Variants in MUSK observed in about 807,000 individuals in gnomAD.
The protein encoded by MUSK is muscle associated receptor tyrosine kinase.
MUSK carries 55 observed loss-of-function variants against 88.7 expected under a neutral mutation model. The ratio of observed to expected loss-of-function variants is 0.62; its 90% confidence interval spans 0.50 to 0.78. The LOEUF (loss-of-function observed/expected upper bound fraction) is 0.78. Among genes scored for constraint, MUSK ranks in the 30% least tolerant of loss-of-function variants. The pLI is 0.00. For synonymous variants in MUSK, 387 were observed against 391.9 expected (o/e 0.99, Z 0.15); for missense variants, 1,015 against 1,074.3 (o/e 0.94, Z 0.77).
At chr9:110,681,008 A>AATATATAT in intron 1 of MUSK, among the ~76,000 whole-genome samples, 1 of 37,370 alleles carries the variant, frequency 2.7e-5, no homozygotes, top group Non-Finnish European at 4.6e-5. Flanking sequence ...ATATTATATT[A>AATATATAT]TATATAATAT....
intron 1 of MUSK, among the ~76,000 whole-genome samples, chr9:110,674,775 C>T (rs1489585385): frequency 6.6e-6 from 1 of 151,936 alleles, no homozygotes; most frequent in East Asian, 1.9e-4. Context: ...ACCATGCCGG[C>T]TAATTTTTAA....
Position 110,677,181 on chromosome 9 carries a change from C to G in MUSK, c.80-5493C>G, listed in dbSNP as rs536212455. Among the ~76,000 whole-genome samples, 14 of 152,286 alleles carry G rather than the reference C, an allele frequency of 9.2e-5. No homozygotes were observed. The South Asian group carries it at 2.7e-3, about 29-fold the overall frequency. On this transcript the variant is annotated intron_variant, in intron 1 of 14. Coordinates refer to ENST00000374448, the MANE Select transcript of MUSK (RefSeq NM_005592.4). ...TGCTTCCAGTCAGCATTTAAACCCACTCTTGTCACCATACTCACCTCCAGC... is the reference window on the plus strand; with the variant it reads ...TGCTTCCAGTCAGCATTTAAACCCAGTCTTGTCACCATACTCACCTCCAGC...
intron 8 of MUSK, among the ~76,000 whole-genome samples, chr9:110,765,231 C>A (rs1162409411): frequency 1.3e-5 from 2 of 152,146 alleles, no homozygotes; most frequent in Non-Finnish European, 2.9e-5. Context: ...AGCTCGGAGA[C>A]ACTGAGAAAT....
At chr9:110,689,916 CATATTTAAATATAATATATAAATAT>C (rs1320060348) in intron 3 of MUSK, among the ~76,000 whole-genome samples, 2 of 78,962 alleles carry the variant, frequency 2.5e-5, no homozygotes, top group Non-Finnish European at 4.2e-5. Flanking sequence ...CATAAAAATA[CATATTTAAATATAATATATAAATAT>C]ATATTTAAAT....
Position 110,797,134 on chromosome 9 carries a change from A to AG in MUSK, c.1928-3172_1928-3171insG, listed in dbSNP as rs1340364606. ...AGTATAACAAAAAAATAAAAAAATAAAAAATAAAAAATAAATGCATGAATA... is the reference window on the plus strand; with the variant it reads ...AGTATAACAAAAAAATAAAAAAATAAGAAAATAAAAAATAAATGCATGAATA... On this transcript the variant is annotated intron_variant, in intron 14 of 14. Coordinates refer to ENST00000374448, the MANE Select transcript of MUSK (RefSeq NM_005592.4). Among the ~76,000 whole-genome samples, 6 of 66,302 alleles carry AG rather than the reference A, an allele frequency of 9.0e-5. 1 individual carries two copies. The highest frequency in any genetic ancestry group is 1.9e-4 in the Non-Finnish European group (6 of 31,866). The allele number at this position is 66,302 out of a possible 152,430, so 43.5% of individuals were successfully genotyped here. A position where few individuals can be genotyped will look rare whatever the true frequency, so the allele number is the denominator to read the frequency against.
intron 1 of MUSK, among the ~76,000 whole-genome samples, chr9:110,681,086 A>ATATAATATT (rs367772987): frequency 9.8e-5 from 2 of 20,478 alleles, no homozygotes; most frequent in East Asian, 3.2e-3. Context: ...TATATTATAT[A>ATATAATATT]ATATATATTA....
Position 110,784,845 on chromosome 9 carries a change from G to A in MUSK, c.1415G>A (p.Ser472Asn). The A allele has an allele frequency of 1.2e-6, 2 of 1,613,696 alleles. No individual in the cohort carries two copies. Among genetic ancestry groups the A allele is most frequent in the Non-Finnish European group, 1.7e-6 (2 of 1,179,762 alleles). Residue 472 changes from serine (S) to asparagine (N), a missense_variant, in exon 12 of 15, where the codon AGT (serine) becomes AAT (asparagine). Physicochemically the swap from Ser to Asn is conservative, Grantham distance 46. Transcript: ENST00000374448. The stretch of plus-strand genomic sequence containing the variant: ...CCACCAATGACGTCCTCAAAGCCAA[G>A]TGTGGACATTCCAAATCTGCCTTCC... ...TFPPMTSSKPSVDIPNLPSSS... is the reference protein window; with the variant it reads ...TFPPMTSSKPNVDIPNLPSSS...
rs770373727 is a variant in MUSK, at chr9:110,800,586, C to G, written c.2208C>G (p.Asn736Lys). The G allele has an allele frequency of 1.3e-5, 21 of 1,613,396 alleles. No individual in the cohort carries two copies. In the South Asian group the frequency reaches 2.3e-4, roughly 18 times the overall value. ...LATRNCLVGE[N>K]MVVKIADFGL... ...CCAGGAACTGCCTGGTGGGCGAGAA[C>G]ATGGTGGTGAAAATTGCCGACTTTG... The change falls in exon 15 of 15, where the codon AAC becomes AAG. Residue 736 changes from asparagine (N) to lysine (K), a missense_variant. By Grantham distance (94) the Asn-to-Lys change is moderately conservative. Coordinates refer to ENST00000374448, the MANE Select transcript of MUSK (RefSeq NM_005592.4).
At position 110,747,813 on chromosome 9, in the gene MUSK, T is replaced by C; in HGVS notation, c.913+13T>C. ...ATCAGCATAGCAGGTAGGATGCCCC[T>C]TCACATTTGCGTTGTTCCAGGAGAG... On this transcript the variant is annotated intron_variant, in intron 7 of 14. Transcript: ENST00000374448. 2 of 1,613,224 alleles carry C rather than the reference T, an allele frequency of 1.2e-6. No homozygotes were observed. The highest frequency in any genetic ancestry group is 1.7e-6 in the Non-Finnish European group (2 of 1,179,314).
rs537523443 is a variant in MUSK at position 110,803,511 on chromosome 9, A to C, written c.*2523A>C. Among the ~76,000 whole-genome samples, 20 of 152,348 alleles carry C rather than the reference A, an allele frequency of 1.3e-4. No individual in the cohort carries two copies. Among genetic ancestry groups the C allele is most frequent in the African/African-American group, 4.6e-4 (19 of 41,578 alleles). On this transcript the variant is annotated 3_prime_UTR_variant, in exon 15 of 15. Transcript: ENST00000374448. ...CCACTATACTGTAGAGCCTCTGTAC[A>C]TGATAGAAGCAATAACTGAACCTCA... is the stretch of plus-strand genomic sequence containing the variant.
chr9:110,707,257 A>G (rs2076611876), intron 5 of MUSK, among the ~76,000 whole-genome samples: 1 of 152,230 alleles, frequency 6.6e-6, no homozygotes, highest in African/African-American at 2.4e-5. Flanking sequence ...TAAGGTGATA[A>G]CATAATTACT....
At chr9:110,703,709 A>G (rs1243175217) in intron 5 of MUSK, among the ~76,000 whole-genome samples, 1 of 152,122 alleles carries the variant, frequency 6.6e-6, no homozygotes, top group Admixed American at 6.5e-5. Flanking sequence ...TTTAGAATTC[A>G]GTGCAGAAAG....
At chr9:110,735,125 A>G (rs2077013231) in intron 6 of MUSK, among the ~76,000 whole-genome samples, 1 of 152,142 alleles carries the variant, frequency 6.6e-6, no homozygotes, top group Non-Finnish European at 1.5e-5. Context: ...GGGAATTACT[A>G]CAGTCACTAT....
chr9:110,798,202 G>T (rs2078040530), intron 14 of MUSK, among the ~76,000 whole-genome samples: 1 of 152,092 alleles, frequency 6.6e-6, no homozygotes, highest in Non-Finnish European at 1.5e-5. Flanking sequence ...GGAAGAAAGG[G>T]GAATTGGGAA....
chr9:110,676,245 C>T (rs1258300548), intron 1 of MUSK, among the ~76,000 whole-genome samples: 1 of 149,974 alleles, frequency 6.7e-6, no homozygotes, highest in Admixed American at 6.6e-5. Flanking sequence ...GATAAGTGCT[C>T]TTAGCATTTT....
chr9:110,699,840 G>A (rs907368745), intron 5 of MUSK, among the ~76,000 whole-genome samples: 4 of 152,194 alleles, frequency 2.6e-5, no homozygotes, highest in African/African-American at 7.2e-5. Flanking sequence ...ATTTGATGCT[G>A]GGCTACATGT....
rs532568105 is a variant in MUSK, at chr9:110,697,591, T to G, written c.628+125T>G. ...CCACTTCCCTCAGTTGTTCCAGATA[T>G]TAGGCCATAAGTTCAAGCGTATGAT... On this transcript the variant is annotated intron_variant, in intron 5 of 14. Coordinates refer to ENST00000374448, the MANE Select transcript of MUSK (RefSeq NM_005592.4). 89 of 1,003,902 alleles carry G rather than the reference T, an allele frequency of 8.9e-5. No homozygotes were observed. In the African/African-American group the frequency reaches 1.3e-3, roughly 15 times the overall value. The allele number at this position is 1,003,902 out of a possible 1,614,324, so 62.2% of individuals were successfully genotyped here.
chr9:110,776,670 T>G lies in MUSK; in HGVS notation c.1384+15T>G, dbSNP rs1315200597. The G allele has an allele frequency of 6.3e-7, 1 of 1,584,326 alleles. No homozygotes were observed. The highest frequency in any genetic ancestry group is 8.6e-7 in the Non-Finnish European group (1 of 1,158,650). On this transcript the variant is annotated intron_variant, in intron 11 of 14. Transcript: ENST00000374448. ...AAACCTAAAAAGTAAGTAATTGTGT[T>G]TGTGCCCTTGAAACCTTATGTGTAT...
Position 110,687,150 on chromosome 9 carries a change from T to A in MUSK, c.240T>A (p.Asn80Lys). The change falls in exon 3 of 15, where the codon AAT becomes AAA. Residue 80 changes from asparagine to lysine, a missense_variant. Asn to Lys is a moderately conservative substitution (Grantham distance 94). Transcript: ENST00000374448. ...ACACCCGGTACAGCATCCGGGAGAATGGGCAGCTCCTCACCATCCTGAGTG... is the reference window on the plus strand; with the variant it reads ...ACACCCGGTACAGCATCCGGGAGAAAGGGCAGCTCCTCACCATCCTGAGTG... ...LFDTRYSIRENGQLLTILSVE... is the reference protein window; with the variant it reads ...LFDTRYSIREKGQLLTILSVE... 3 of 1,613,566 alleles carry A rather than the reference T, an allele frequency of 1.9e-6. No individual in the cohort carries two copies. The highest frequency in any genetic ancestry group is 2.5e-6 in the Non-Finnish European group (3 of 1,179,668).
Sources: gnomAD v4.1 joint callset for allele counts (sites outside exome capture counted in the v4.1 genomes callset) on GRCh38, gnomAD v4.1.1 for gene constraint, MANE v1.5 for transcripts, NCBI Gene and HGNC (gene_info 2026-07-23, HGNC 2026-07-21) for gene names.